Variants in COL5A1 observed in about 807,000 individuals in gnomAD.
The protein encoded by COL5A1 is collagen type V alpha 1 chain, also known as collagen alpha-1(V) chain.
A neutral mutation model predicts 263.7 loss-of-function variants in COL5A1; 16 were observed. That is an observed-to-expected ratio of 0.06 (90% CI 0.04 to 0.09). The LOEUF (loss-of-function observed/expected upper bound fraction) is 0.09, where lower values mean the gene tolerates loss of function less well. COL5A1 is among the 10% of genes least tolerant of loss of function. The probability of loss-of-function intolerance (pLI) is 1.00; values close to 1 mark genes in which losing one functional copy is unlikely to be tolerated. For synonymous variants in COL5A1, 1,012 were observed against 1,004.5 expected (o/e 1.01, Z -0.14); for missense variants, 2,036 against 2,540.5 (o/e 0.80, Z 4.27).
intron 2 of COL5A1, chr9:134,691,488 G>A (rs1450891559): frequency 8.6e-6 from 2 of 232,320 alleles, no homozygotes; most frequent in East Asian, 2.0e-4. Flanking sequence ...CAGGGGCAGT[G>A]ACATTAAGAG....
chr9:134,795,337 CG>C, intron 34 of COL5A1, 22 bp downstream of exon 34: 1 of 1,609,158 alleles, frequency 6.2e-7, no homozygotes, highest in South Asian at 1.1e-5. Flanking sequence ...GCCTCCTGGG[CG>C]GTGGGCGGCG....
At chr9:134,814,969 C>A in intron 50 of COL5A1, 65 bp downstream of exon 50, 2 of 1,148,684 alleles carry the variant, frequency 1.7e-6, no homozygotes, top group Non-Finnish European at 2.5e-6. Context: ...TGGGATCATT[C>A]TGACTCACTG....
chr9:134,767,378 C>G, intron 24 of COL5A1, 24 bp downstream of exon 24: 3 of 1,612,028 alleles, frequency 1.9e-6, no homozygotes, highest in Non-Finnish European at 2.5e-6. Context: ...GGCTGTGTTG[C>G]AGGCCACTGC....
At chr9:134,813,539 G>C (rs1838621709) in intron 48 of COL5A1, among the ~76,000 whole-genome samples, 1 of 152,180 alleles carries the variant, frequency 6.6e-6, no homozygotes, top group Non-Finnish European at 1.5e-5. Context: ...TGGTGTCCCC[G>C]CTGTAGGGCG....
chr9:134,822,665 TG>T (rs1588593800), intron 59 of COL5A1, among the ~76,000 whole-genome samples: 1 of 149,306 alleles, frequency 6.7e-6, no homozygotes, highest in Non-Finnish European at 1.5e-5. Context: ...CTATCAGGGC[TG>T]GGGGGTGCAT....
chr9:134,819,067 C>T lies in COL5A1; in HGVS notation c.4446+14C>T, dbSNP rs1564481400. On this transcript the variant is annotated intron_variant, in intron 57 of 65. Coordinates refer to ENST00000371817, the MANE Select transcript of COL5A1 (RefSeq NM_000093.5). ...AAAGGTGAAAAGGTAAGAGGGGCCT[C>T]CCTGCCCCAGCAACTGTGACTCGGG... The T allele has an allele frequency of 3.1e-6, 5 of 1,613,060 alleles. No homozygotes were observed. The highest frequency in any genetic ancestry group is 1.1e-5 in the South Asian group (1 of 91,078).
rs1233995103 is a variant in COL5A1 at position 134,652,802 on chromosome 9, C to T, written c.109+10506C>T. 2.2e-6 allele frequency: 1 copy of T among 456,178 alleles called. No individual in the cohort carries two copies. Among genetic ancestry groups the T allele is most frequent in the African/African-American group, 2.0e-5 (1 of 49,538 alleles). 28.3% of individuals were successfully genotyped at this position (456,178 alleles called of 1,614,324 possible). ...CTCCTCATGGTGTAGACCAGCAGTTCCCAAACTTTACCAGGCCCCAGAATC... is the reference window on the plus strand; with the variant it reads ...CTCCTCATGGTGTAGACCAGCAGTTTCCAAACTTTACCAGGCCCCAGAATC... On this transcript the variant is annotated intron_variant, in intron 1 of 65. Coordinates refer to ENST00000371817, the MANE Select transcript of COL5A1 (RefSeq NM_000093.5). The surrounding 1 kb of genome is among the most constrained non-coding windows in gnomAD (Gnocchi z 4.4).
intron 2 of COL5A1, among the ~76,000 whole-genome samples, chr9:134,697,798 C>T (rs1442673084): frequency 6.6e-6 from 1 of 152,196 alleles, no homozygotes; most frequent in Non-Finnish European, 1.5e-5. Context: ...CGCCCACATC[C>T]CCTCATGTGG....
chr9:134,819,725 A>G (rs1003835255), intron 57 of COL5A1, among the ~76,000 whole-genome samples: 2 of 152,234 alleles, frequency 1.3e-5, no homozygotes, highest in Admixed American at 6.5e-5. Flanking sequence ...AATACTCTGC[A>G]TCTTTCTTTC....
chr9:134,771,527 T>C (rs1836865734), intron 25 of COL5A1, among the ~76,000 whole-genome samples: 2 of 152,206 alleles, frequency 1.3e-5, no homozygotes, highest in South Asian at 4.1e-4. Flanking sequence ...GGATAGGCTG[T>C]CTGCTAGGAT....
intron 4 of COL5A1, among the ~76,000 whole-genome samples, chr9:134,706,157 C>T (rs1833832186): frequency 6.6e-6 from 1 of 152,204 alleles, no homozygotes; most frequent in Non-Finnish European, 1.5e-5. Context: ...TATGCCGGAG[C>T]TGCCTGGGAC....
intron 39 of COL5A1, 92 bp from the exon 40 acceptor site, chr9:134,804,883 A>G: frequency 1.8e-6 from 2 of 1,112,362 alleles, no homozygotes; most frequent in Non-Finnish European, 2.7e-6. Flanking sequence ...TGGCTCCAAG[A>G]GAGAAGGCCC....
intron 13 of COL5A1, among the ~76,000 whole-genome samples, 171 bp from the exon 14 acceptor site, chr9:134,752,418 T>C (rs1201046387): frequency 2.1e-4 from 2 of 9,476 alleles, no homozygotes; most frequent in Non-Finnish European, 7.5e-4. Flanking sequence ...CCCATCGAAG[T>C]CGGGGGGGGG....
rs1839794614 is a variant in COL5A1, at chr9:134,834,957, C to A, written c.5137-14C>A. 4 of 1,599,038 alleles carry A rather than the reference C, an allele frequency of 2.5e-6. No homozygotes were observed. The highest frequency in any genetic ancestry group is 3.4e-6 in the Non-Finnish European group (4 of 1,168,572). On this transcript the variant is annotated splice_polypyrimidine_tract_variant and intron_variant, in intron 64 of 65. Transcript: ENST00000371817. Reference sequence around the variant, plus strand: ...TCCCCACCCTGCTGAGCCCCAACACCCCTGTCCCCCCAGCTCTCCTATGTG... The same window carrying A: ...TCCCCACCCTGCTGAGCCCCAACACACCTGTCCCCCCAGCTCTCCTATGTG...
rs1836997677 is a variant in COL5A1 at position 134,774,882 on chromosome 9, G to A, written c.2355G>A (p.Pro785=). The change falls in exon 27 of 66, where the codon CCG becomes CCA. Residue 785 remains proline (P), a synonymous_variant. Coordinates refer to ENST00000371817, the MANE Select transcript of COL5A1 (RefSeq NM_000093.5). ...GGQGPPGPQG[P]IGYPGPRGVK... is the part of the protein sequence containing the mutation. Reference sequence around the variant, plus strand: ...AGGGTCCACCTGGCCCCCAGGGTCCGATTGGCTACCCAGGTCCTCGAGGAG... The same window carrying A: ...AGGGTCCACCTGGCCCCCAGGGTCCAATTGGCTACCCAGGTCCTCGAGGAG... 4 of 1,613,866 alleles carry A rather than the reference G, an allele frequency of 2.5e-6. No homozygotes were observed. The highest frequency in any genetic ancestry group is 3.4e-6 in the Non-Finnish European group (4 of 1,179,888).
In COL5A1 at chr9:134,796,434, C is replaced by G; in HGVS notation, c.2844+16C>G. On this transcript the variant is annotated intron_variant, in intron 35 of 65. Transcript: ENST00000371817. ...TGGTGAACGGGTAAGCAGCTGGAGC[C>G]TTCGGGGGTGTCTCCAAGGGCAGAG... 8 of 1,613,856 alleles carry G rather than the reference C, an allele frequency of 5.0e-6. No homozygotes were observed. The highest frequency in any genetic ancestry group is 6.8e-6 in the Non-Finnish European group (8 of 1,179,822).
In COL5A1 at chr9:134,839,905, G is replaced by A. The variant is rs377300625; in HGVS notation, c.5371-2252G>A. 5.9e-5 allele frequency among the ~76,000 whole-genome samples: 9 copies of A among 152,354 alleles called. No individual in the cohort carries two copies. In the South Asian group the frequency reaches 1.2e-3, roughly 21 times the overall value. On this transcript the variant is annotated intron_variant, in intron 65 of 65. Coordinates refer to ENST00000371817, the MANE Select transcript of COL5A1 (RefSeq NM_000093.5). ...AGGAGAGCTGTGGCCACCCCCAGGC[G>A]GGCTTGTGGGACAGCAGCATCCCAG...
chr9:134,824,116 A>AC (rs551403616), intron 61 of COL5A1, among the ~76,000 whole-genome samples: 238 of 151,322 alleles, frequency 1.6e-3, no homozygotes, highest in African/African-American at 5.6e-3. Context: ...ACTATTGGAC[A>AC]CCCCCCTTTG....
In COL5A1 at chr9:134,818,316, G is replaced by A. The variant is rs930642839; in HGVS notation, c.4231-340G>A. On this transcript the variant is annotated intron_variant, in intron 54 of 65. Transcript: ENST00000371817. This position sits in a 1 kb window ranked among gnomAD's most constrained non-coding sequence, Gnocchi z 6.0. ...TCTGTCAGTGAGGTGATGGCGGCCCGGCCTGGCACTGTCTGCCTCCCTCCT... is the reference window on the plus strand; with the variant it reads ...TCTGTCAGTGAGGTGATGGCGGCCCAGCCTGGCACTGTCTGCCTCCCTCCT... Among the ~76,000 whole-genome samples, 1 of 152,182 alleles carries A rather than the reference G, an allele frequency of 6.6e-6. No homozygotes were observed. The highest frequency in any genetic ancestry group is 6.5e-5 in the Admixed American group (1 of 15,284).
Sources: allele counts gnomAD v4.1 joint callset (sites outside exome capture counted in the v4.1 genomes callset), GRCh38; gene constraint gnomAD v4.1.1; non-coding constraint Gnocchi (gnomAD v3.1); transcripts MANE v1.5; gene names NCBI Gene and HGNC (gene_info 2026-07-23, HGNC 2026-07-21).